SIK3: variants seen among roughly 807,000 people sequenced by gnomAD.
SIK3 encodes the protein serine/threonine-protein kinase SIK3.
SIK3 carries 28 observed loss-of-function variants against 144.2 expected under a neutral mutation model. That is an observed-to-expected ratio of 0.19 (90% CI 0.14 to 0.27). The LOEUF (loss-of-function observed/expected upper bound fraction) is 0.27. Ranked by LOEUF, SIK3 falls within the 10% of genes least tolerant of loss-of-function variation. The probability of loss-of-function intolerance (pLI) is 1.00; values close to 1 mark genes in which losing one functional copy is unlikely to be tolerated. For synonymous variants in SIK3, 686 were observed against 676.3 expected (o/e 1.01, Z -0.22); for missense variants, 1,319 against 1,776.0 (o/e 0.74, Z 4.62).
intron 1 of SIK3, among the ~76,000 whole-genome samples, chr11:117,021,988 A>C (rs1462561559): frequency 2.6e-5 from 4 of 151,052 alleles, no homozygotes; most frequent in South Asian, 2.1e-4. Flanking sequence ...TAACAAATAA[A>C]AAATAAAAAT....
chr11:116,927,840 G>A (rs1041599920), intron 3 of SIK3, among the ~76,000 whole-genome samples: 1 of 151,926 alleles, frequency 6.6e-6, no homozygotes, highest in Non-Finnish European at 1.5e-5. Flanking sequence ...TCACTGCTAG[G>A]GGGAGAAAAC....
rs926612146 is a variant in SIK3 at position 116,857,580 on chromosome 11, T to C, written c.3655+230A>G. ...TGGTATGAATAAGGGAAATGGATCA[T>C]CTATCTTATTGACTAAGTGTTAATT... is the stretch of plus-strand genomic sequence containing the variant. On this transcript the variant is annotated intron_variant, in intron 21 of 24. Coordinates refer to ENST00000445177, the MANE Select transcript of SIK3 (RefSeq NM_001366686.3). 8.2e-6 allele frequency: 5 copies of C among 610,454 alleles called. No homozygotes were observed. In the African/African-American group the frequency reaches 9.3e-5, roughly 11 times the overall value. 37.8% of individuals were successfully genotyped at this position (610,454 alleles called of 1,614,324 possible). A position where few individuals can be genotyped will look rare whatever the true frequency, so the allele number is the denominator to read the frequency against.
Position 116,897,296 on chromosome 11 carries a change from A to C in SIK3, c.638T>G (p.Phe213Cys). Residue 213 changes from phenylalanine to cysteine, a missense_variant, in exon 5 of 25, where the codon TTC (phenylalanine) becomes TGC (cysteine). Physicochemically the swap from Phe to Cys is radical, Grantham distance 205. Around this residue, in one of 8 missense-constraint regions of SIK3, gnomAD observed 125 missense variants for 285.2 expected, o/e 0.44. Coordinates refer to ENST00000445177, the MANE Select transcript of SIK3 (RefSeq NM_001366686.3). The stretch of plus-strand genomic sequence containing the variant: ...GGTCTTCAGCAGCTGCCCAGGAGTG[A>C]AGAGGTTACTGAAACCAAAATCTAG... ...KIADFGFSNL[F>C]TPGQLLKTWC... is the part of the protein sequence containing the mutation. 6.2e-7 allele frequency: 1 copy of C among 1,613,982 alleles called. No individual in the cohort carries two copies. Among genetic ancestry groups the C allele is most frequent in the Non-Finnish European group, 8.5e-7 (1 of 1,179,900 alleles).
chr11:116,955,116 G>A (rs1267021764), intron 2 of SIK3, among the ~76,000 whole-genome samples: 5 of 151,920 alleles, frequency 3.3e-5, no homozygotes, highest in South Asian at 2.1e-4. Context: ...ATTCAGTTCC[G>A]GCCAGGCGCA....
intron 3 of SIK3, among the ~76,000 whole-genome samples, chr11:116,940,239 T>G (rs569201545): frequency 7.9e-5 from 12 of 151,244 alleles, no homozygotes; most frequent in South Asian, 6.3e-4. Flanking sequence ...TTGTTTTTTT[T>G]TTTTTTTTGA....
chr11:117,012,903 G>A (rs928555081), intron 1 of SIK3, among the ~76,000 whole-genome samples: 2 of 139,680 alleles, frequency 1.4e-5, no homozygotes, highest in South Asian at 2.3e-4. Flanking sequence ...CCAGGCTGGA[G>A]TGCAGCGGCG....
intron 1 of SIK3, among the ~76,000 whole-genome samples, chr11:116,958,216 A>T (rs1949215806): frequency 6.6e-6 from 1 of 152,224 alleles, no homozygotes; most frequent in South Asian, 2.1e-4. Flanking sequence ...TCAGGAAAAC[A>T]AAATTACAAA....
chr11:116,965,753 AT>A (rs761823852), intron 1 of SIK3, among the ~76,000 whole-genome samples: 19,847 of 45,018 alleles, frequency 0.44, 2,292 homozygotes, highest in Middle Eastern at 0.51. Context: ...ATATATATAT[AT>A]ATATATATAT....
chr11:116,938,285 G>A (rs182502802), intron 3 of SIK3, among the ~76,000 whole-genome samples: 4 of 88,442 alleles, frequency 4.5e-5, no homozygotes, highest in Non-Finnish European at 6.4e-5. Flanking sequence ...GAGAGGAGAG[G>A]AGAGGAGAGG....
intron 6 of SIK3, chr11:116,894,017 G>C (rs778242298): frequency 1.2e-5 from 2 of 167,172 alleles, no homozygotes; most frequent in African/African-American, 4.8e-5. Context: ...AATCATTAAC[G>C]ATCTCCACAT....
chr11:116,966,230 A>C (rs1255409167), intron 1 of SIK3, among the ~76,000 whole-genome samples: 1 of 151,928 alleles, frequency 6.6e-6, no homozygotes, highest in Non-Finnish European at 1.5e-5. Flanking sequence ...CCAACTCTAC[A>C]AAAAATTTTT....
Position 116,973,673 on chromosome 11 carries a change from C to T in SIK3, c.274-16609G>A, listed in dbSNP as rs535394663. On this transcript the variant is annotated intron_variant, in intron 1 of 24. Coordinates refer to ENST00000445177, the MANE Select transcript of SIK3 (RefSeq NM_001366686.3). ...ACCTGAGCCAGGTGATCAAGGTTAG[C>T]ATCAACAGTAATAAGTCATGTTGAT... Among the ~76,000 whole-genome samples, 6 of 152,262 alleles carry T rather than the reference C, an allele frequency of 3.9e-5. No homozygotes were observed. The South Asian group carries it at 1.0e-3, about 26-fold the overall frequency.
At position 116,972,081 on chromosome 11, in the gene SIK3, G is replaced by A. The variant is rs11216205; in HGVS notation, c.274-15017C>T. ...CAGCCTGGGCAACAGAGCGAGACTC[G>A]GTCTCAAAAAAAAAAAAAAAAGAAA... On this transcript the variant is annotated intron_variant, in intron 1 of 24. Coordinates refer to ENST00000445177, the MANE Select transcript of SIK3 (RefSeq NM_001366686.3). Among the ~76,000 whole-genome samples, 49 of 133,938 alleles carry A rather than the reference G, an allele frequency of 3.7e-4. No individual in the cohort carries two copies. In the East Asian group the frequency reaches 5.1e-3, roughly 14 times the overall value. 87.9% of individuals were successfully genotyped at this position (133,938 alleles called of 152,430 possible).
intron 1 of SIK3, among the ~76,000 whole-genome samples, chr11:116,995,221 C>T (rs181297478): frequency 8.2e-5 from 12 of 145,740 alleles, no homozygotes; most frequent in Non-Finnish European, 1.7e-4. Context: ...GAGCCAAGAT[C>T]GCACCATTGC....
intron 4 of SIK3, among the ~76,000 whole-genome samples, chr11:116,911,593 T>C (rs770816024): frequency 3.9e-5 from 6 of 152,164 alleles, no homozygotes; most frequent in East Asian, 1.9e-4. Context: ...AAAACATGCA[T>C]AGTAAAAAGA....
At position 116,862,300 on chromosome 11, in the gene SIK3, C is replaced by T. The variant is rs749367396; in HGVS notation, c.2131G>A (p.Gly711Arg). ...AGGGTTCTTTCATCAATCTGCCCCC[C>T]GTACATCTTCTGCAGCTGCTCACAC... ...QECEQLQKMY[G>R]GQIDERTLEK... Residue 711 changes from glycine to arginine, a missense_variant, in exon 17 of 25, where the codon GGG becomes AGG. This residue lies in a region of SIK3 where 77 missense variants were observed against 141.9 expected (regional missense o/e 0.54). Coordinates refer to ENST00000445177, the MANE Select transcript of SIK3 (RefSeq NM_001366686.3). 18 of 1,614,018 alleles carry T rather than the reference C, an allele frequency of 1.1e-5. No individual in the cohort carries two copies. The highest frequency in any genetic ancestry group is 4.5e-5 in the East Asian group (2 of 44,900).
At chr11:116,946,774 G>T (rs1046865564) in intron 3 of SIK3, among the ~76,000 whole-genome samples, 4 of 152,024 alleles carry the variant, frequency 2.6e-5, no homozygotes, top group Non-Finnish European at 5.9e-5. Flanking sequence ...AGCACCCAAT[G>T]CCTCCACTTC....
chr11:117,020,236 C>CATATATATATATATATATATACATAT lies in SIK3; in HGVS notation c.274-63173_274-63172insATATGTATATATATATATATATATAT, dbSNP rs754633188. ...GGTGATATTTGTATGTGTATATGTG[C>CATATATATATATATATATATACATAT]ATATATATATACACATACATATATC... On this transcript the variant is annotated intron_variant, in intron 1 of 24. Coordinates refer to ENST00000445177, the MANE Select transcript of SIK3 (RefSeq NM_001366686.3). 3.3e-5 allele frequency among the ~76,000 whole-genome samples: 4 copies of CATATATATATATATATATATACATAT among 122,242 alleles called. 1 individual carries two copies. Among genetic ancestry groups the CATATATATATATATATATATACATAT allele is most frequent in the African/African-American group, 1.5e-4 (4 of 27,098 alleles). The allele number at this position is 122,242 out of a possible 152,430, so 80.2% of individuals were successfully genotyped here.
chr11:116,884,581 G>C (rs1944716746), intron 6 of SIK3, among the ~76,000 whole-genome samples: 1 of 151,874 alleles, frequency 6.6e-6, no homozygotes, highest in Non-Finnish European at 1.5e-5. Flanking sequence ...GGATGGTCTT[G>C]ATCTCCTGAC....
Sources: gnomAD v4.1 joint callset for allele counts (sites outside exome capture counted in the v4.1 genomes callset) on GRCh38, gnomAD v4.1.1 for gene constraint, gnomAD v4.1.1 regional missense constraint, MANE v1.5 for transcripts, NCBI Gene and HGNC (gene_info 2026-07-23, HGNC 2026-07-21) for gene names.